SRRM3: variants seen among roughly 807,000 people sequenced by gnomAD.
The protein encoded by SRRM3 is serine/arginine repetitive matrix protein 3.
SRRM3 carries 27 observed loss-of-function variants against 66.2 expected under a neutral mutation model. The observed-to-expected ratio is 0.41, with a 90% CI of 0.30 to 0.56. The LOEUF (loss-of-function observed/expected upper bound fraction) is 0.56. Ranked by LOEUF, SRRM3 falls within the 20% of genes least tolerant of loss-of-function variation. SRRM3 has a pLI of 0.32. For missense variants in SRRM3, 918 were observed against 991.9 expected, an observed-to-expected ratio of 0.93 and a Z score of 1.00; for synonymous variants, 391 against 414.9, an observed-to-expected ratio of 0.94 and a Z score of 0.70.
intron 1 of SRRM3, among the ~76,000 whole-genome samples, chr7:76,208,515 AAG>A (rs1446902793): frequency 2.0e-5 from 3 of 151,454 alleles, no homozygotes; most frequent in African/African-American, 7.3e-5. Flanking sequence ...CAAAAAAAAA[AAG>A]AAGAAGAAGA....
In SRRM3 at chr7:76,281,660, C is replaced by T. The variant is rs1554611919; in HGVS notation, c.1228C>T (p.Arg410Cys). ...ASAPRRRGRR[R>C]PRPAPPRGSS... ...CGCGCCCCGCCGCAGGGGTCGCCGG[C>T]GCCCCCGGCCCGCGCCCCCCCGGGG... Residue 410 changes from arginine (R) to cysteine (C), a missense_variant, in exon 12 of 15, where the codon CGC (arginine) becomes TGC (cysteine). By Grantham distance (180) the Arg-to-Cys change is radical (BLOSUM62 -3). Coordinates refer to ENST00000611745, the MANE Select transcript of SRRM3 (RefSeq NM_001110199.3). The T allele has an allele frequency of 1.0e-6, 1 of 977,574 alleles. No homozygotes were observed. Among genetic ancestry groups the T allele is most frequent in the Non-Finnish European group, 1.2e-6 (1 of 824,772 alleles). The allele number at this position is 977,574 out of a possible 1,614,324, so 60.6% of individuals were successfully genotyped here.
chr7:76,269,756 CTTT>C (rs10717364), intron 11 of SRRM3: 4 of 143,618 alleles, frequency 2.8e-5, no homozygotes, highest in African/African-American at 1.0e-4. Context: ...CTTTTCCTTT[CTTT>C]TTTTTTTTCC....
chr7:76,260,072 G>T, intron 4 of SRRM3, 38 bp downstream of exon 4: 1 of 1,451,872 alleles, frequency 6.9e-7, no homozygotes, highest in Non-Finnish European at 9.0e-7. Context: ...GGGCGCGCGG[G>T]GCTGCCCCCC....
rs1554612592 is a variant in SRRM3 at position 76,285,395 on chromosome 7, C to T, written c.1734-220C>T. On this transcript the variant is annotated intron_variant, in intron 14 of 14. Transcript: ENST00000611745. The surrounding 1 kb of genome is among the most constrained non-coding windows in gnomAD (Gnocchi z 4.1). ...AGTATTTATTAGCAGGTGTTCGGAT[C>T]GGGCAGAGACATGGTCTCCTTTCCC... 9 of 574,250 alleles carry T rather than the reference C, an allele frequency of 1.6e-5. No homozygotes were observed. The highest frequency in any genetic ancestry group is 2.9e-5 in the East Asian group (1 of 34,234). 35.6% of individuals were successfully genotyped at this position (574,250 alleles called of 1,614,324 possible).
At chr7:76,220,286 C>T (rs577284560) in intron 1 of SRRM3, among the ~76,000 whole-genome samples, 4 of 152,260 alleles carry the variant, frequency 2.6e-5, no homozygotes, top group East Asian at 1.9e-4. Flanking sequence ...AGAGGCACGT[C>T]CCCCAGGGAG....
chr7:76,274,477 C>A (rs535985530), intron 11 of SRRM3, among the ~76,000 whole-genome samples: 1 of 152,228 alleles, frequency 6.6e-6, no homozygotes, highest in Admixed American at 6.5e-5. Flanking sequence ...CTCTGTGAGA[C>A]AATTTACAGG....
chr7:76,228,811 A>G (rs1253689102), intron 1 of SRRM3, among the ~76,000 whole-genome samples: 1 of 152,138 alleles, frequency 6.6e-6, no homozygotes, highest in Non-Finnish European at 1.5e-5. Context: ...GGCTATTTCT[A>G]GACCACTGCC....
rs141877420 is a variant in SRRM3, at chr7:76,202,918, G to A, written c.-40+851G>A. 1.4e-3 allele frequency among the ~76,000 whole-genome samples: 215 copies of A among 152,274 alleles called. 10 individuals are homozygous for A. The South Asian group carries it at 0.04, about 28-fold the overall frequency. ...TGGGAGGAAGGGAAGGTTGTACCAA[G>A]GTCTGACGTGGTACTTCAATGCCTG... On this transcript the variant is annotated intron_variant, in intron 1 of 14. Coordinates refer to ENST00000611745, the MANE Select transcript of SRRM3 (RefSeq NM_001110199.3).
At chr7:76,209,166 G>T (rs1254950441) in intron 1 of SRRM3, among the ~76,000 whole-genome samples, 1 of 152,172 alleles carries the variant, frequency 6.6e-6, no homozygotes, top group Non-Finnish European at 1.5e-5. Flanking sequence ...CCTTTGAGGG[G>T]GTTAGACTAT....
At chr7:76,251,212 A>T (rs551817898) in intron 3 of SRRM3, among the ~76,000 whole-genome samples, 2 of 152,008 alleles carry the variant, frequency 1.3e-5, no homozygotes, top group South Asian at 4.2e-4. Context: ...TTTGTAGCAG[A>T]CTCTGTCTGG....
At chr7:76,211,547 G>A (rs1800431530) in intron 1 of SRRM3, among the ~76,000 whole-genome samples, 2 of 152,254 alleles carry the variant, frequency 1.3e-5, no homozygotes, top group South Asian at 2.1e-4. Flanking sequence ...CCTGAAGAGC[G>A]GTTTTGATTT....
At chr7:76,243,625 C>G (rs1211443251) in intron 2 of SRRM3, among the ~76,000 whole-genome samples, 8 of 152,158 alleles carry the variant, frequency 5.3e-5, no homozygotes, top group African/African-American at 1.4e-4. Context: ...TGCCAAAGAC[C>G]CCCAGGAAAG....
chr7:76,255,148 C>CTTTTTTTTTTTTTTTTTTTT (rs57880700), intron 3 of SRRM3, among the ~76,000 whole-genome samples: 49 of 83,174 alleles, frequency 5.9e-4, no homozygotes, highest in East Asian at 1.3e-3. Context: ...TTCTTTCTTT[C>CTTTTTTTTTTTTTTTTTTTT]TTTTTTTTTT....
At chr7:76,212,005 A>G (rs1800445408) in intron 1 of SRRM3, among the ~76,000 whole-genome samples, 1 of 150,712 alleles carries the variant, frequency 6.6e-6, no homozygotes, top group East Asian at 2.0e-4. Flanking sequence ...GTGCCCAGAT[A>G]ATTTTTTAAA....
chr7:76,274,332 G>A (rs187298200), intron 11 of SRRM3, among the ~76,000 whole-genome samples: 1 of 152,372 alleles, frequency 6.6e-6, no homozygotes, highest in African/African-American at 2.4e-5. Context: ...CTCTGGAGGA[G>A]CAACGGGCAC....
chr7:76,244,877 T>C (rs567155708), intron 2 of SRRM3, among the ~76,000 whole-genome samples: 87 of 152,362 alleles, frequency 5.7e-4, no homozygotes, highest in African/African-American at 2.0e-3. Flanking sequence ...CAGTCACTCA[T>C]TTAGCACACA....
At chr7:76,245,961 G>A (rs1396087909) in intron 2 of SRRM3, among the ~76,000 whole-genome samples, 2 of 152,100 alleles carry the variant, frequency 1.3e-5, no homozygotes, top group African/African-American at 2.4e-5. Flanking sequence ...GCCTCCCAAA[G>A]TGCTGGGATT....
intron 2 of SRRM3, 148 bp from the exon 3 acceptor site, chr7:76,248,040 G>C: frequency 4.6e-6 from 3 of 647,344 alleles, no homozygotes; most frequent in African/African-American, 3.6e-5. Context: ...CTGAAGACCT[G>C]GCTTGATCTG....
At chr7:76,263,877 C>CAAAAAAAAA (rs781852712) in intron 8 of SRRM3, among the ~76,000 whole-genome samples, 5 of 49,528 alleles carry the variant, frequency 1.0e-4, no homozygotes, top group East Asian at 9.1e-4. Flanking sequence ...TGTCTCAAGA[C>CAAAAAAAAA]AAAAAAAAAA....
Sources: allele counts gnomAD v4.1 joint callset (sites outside exome capture counted in the v4.1 genomes callset), GRCh38; gene constraint gnomAD v4.1.1; non-coding constraint Gnocchi (gnomAD v3.1); transcripts MANE v1.5; gene names NCBI Gene and HGNC (gene_info 2026-07-23, HGNC 2026-07-21).